ORC5: variants seen among roughly 807,000 people sequenced by gnomAD.
ORC5 encodes origin recognition complex subunit 5.
Under a neutral mutation model 58.8 loss-of-function variants are expected in ORC5, and 39 were observed. That is an observed-to-expected ratio of 0.66 (90% CI 0.51 to 0.87). The LOEUF is 0.87. Ranked by LOEUF, ORC5 falls within the 40% of genes least tolerant of loss-of-function variation. The pLI is 0.00. For missense variants in ORC5, 493 were observed against 506.3 expected (o/e 0.97, Z 0.25); for synonymous variants, 218 against 177.6 (o/e 1.23, Z -1.81).
At chr7:104,202,862 T>C (rs1799977714) in intron 2 of ORC5, among the ~76,000 whole-genome samples, 1 of 152,208 alleles carries the variant, frequency 6.6e-6, no homozygotes, top group Admixed American at 6.5e-5. Context: ...CACAAGTTAA[T>C]ACGTGCCAAG....
chr7:104,162,928 T>C (rs1277333390), intron 11 of ORC5, among the ~76,000 whole-genome samples: 2 of 152,208 alleles, frequency 1.3e-5, no homozygotes, highest in African/African-American at 4.8e-5. Flanking sequence ...TTGCATGGTT[T>C]AAAATTTTAT....
chr7:104,184,686 A>G (rs2115980235), intron 6 of ORC5, among the ~76,000 whole-genome samples: 1 of 152,302 alleles, frequency 6.6e-6, no homozygotes, highest in South Asian at 2.1e-4. Flanking sequence ...ACAGCCCTGA[A>G]AAGCTGTATT....
intron 12 of ORC5, among the ~76,000 whole-genome samples, chr7:104,149,555 A>T (rs1446311743): frequency 6.6e-6 from 1 of 152,174 alleles, no homozygotes; most frequent in Non-Finnish European, 1.5e-5. Flanking sequence ...TTTTGTTTTT[A>T]AAAAACTGTA....
intron 12 of ORC5, among the ~76,000 whole-genome samples, chr7:104,144,847 C>G (rs1176601679): frequency 6.6e-6 from 1 of 152,210 alleles, no homozygotes; most frequent in Admixed American, 6.5e-5. Flanking sequence ...GAACTCAGAT[C>G]TCCAGGCTAG....
At chr7:104,192,539 A>C (rs1240441088) in intron 5 of ORC5, among the ~76,000 whole-genome samples, 3 of 152,154 alleles carry the variant, frequency 2.0e-5, no homozygotes, top group Non-Finnish European at 4.4e-5. Context: ...GCTTAAAAAT[A>C]GCCTTAAAAG....
intron 8 of ORC5, among the ~76,000 whole-genome samples, chr7:104,174,623 T>C (rs1432310057): frequency 6.6e-6 from 1 of 152,162 alleles, no homozygotes; most frequent in African/African-American, 2.4e-5. Context: ...TGTCACACTG[T>C]ATCGCTAATA....
rs765326823 is a variant in ORC5 at position 104,136,199 on chromosome 7, T to C, written c.1262+582A>G. On this transcript the variant is annotated intron_variant, in intron 13 of 13. Coordinates refer to ENST00000297431, the MANE Select transcript of ORC5 (RefSeq NM_002553.4). This position sits in a 1 kb window ranked among gnomAD's most constrained non-coding sequence, Gnocchi z 4.2. ...GTTCACATGTCCTTCCTAAGGCTTT[T>C]CTCTCACACTCTGTCCTTCAGTCAG... Among the ~76,000 whole-genome samples, 2 of 152,152 alleles carry C rather than the reference T, an allele frequency of 1.3e-5. No individual in the cohort carries two copies. Among genetic ancestry groups the C allele is most frequent in the Non-Finnish European group, 1.5e-5 (1 of 68,028 alleles).
intron 8 of ORC5, among the ~76,000 whole-genome samples, chr7:104,170,673 T>C (rs1799195528): frequency 6.6e-6 from 1 of 152,234 alleles, no homozygotes; most frequent in South Asian, 2.1e-4. Context: ...TGATAATTTG[T>C]TACAGTACAA....
chr7:104,149,541 TTGTTTTTGTTTTTAAAAAAC>T (rs1210766124), intron 12 of ORC5, among the ~76,000 whole-genome samples: 1 of 152,188 alleles, frequency 6.6e-6, no homozygotes, highest in Non-Finnish European at 1.5e-5. Flanking sequence ...GAACAAAGTT[TTGTTTTTGTTTTTAAAAAAC>T]TGTATTAAAA....
chr7:104,176,531 A>C (rs964781743), intron 8 of ORC5, among the ~76,000 whole-genome samples: 1 of 152,002 alleles, frequency 6.6e-6, no homozygotes, highest in African/African-American at 2.4e-5. Flanking sequence ...CAGTCTTACG[A>C]TCTCTCTGCT....
chr7:104,205,918 G>C (rs938566000), intron 1 of ORC5, among the ~76,000 whole-genome samples: 1 of 152,136 alleles, frequency 6.6e-6, no homozygotes, highest in Admixed American at 6.5e-5. Flanking sequence ...TGAGGTGGGC[G>C]GACTGCTTGA....
chr7:104,197,904 T>A, intron 3 of ORC5, 105 bp from the exon 4 acceptor site: 1 of 638,872 alleles, frequency 1.6e-6, no homozygotes, highest in Non-Finnish European at 2.6e-6. Context: ...TGGAACTTAA[T>A]CCCCAGTGTG....
Position 104,188,472 on chromosome 7 carries a change from A to C in ORC5, c.554-91T>G, listed in dbSNP as rs1357004771. The C allele has an allele frequency of 3.2e-6, 3 of 936,484 alleles. No homozygotes were observed. In the African/African-American group the frequency reaches 4.9e-5, roughly 15 times the overall value. 58.0% of individuals were successfully genotyped at this position (936,484 alleles called of 1,614,324 possible). On this transcript the variant is annotated intron_variant, in intron 5 of 13. Coordinates refer to ENST00000297431, the MANE Select transcript of ORC5 (RefSeq NM_002553.4). Reference sequence around the variant, plus strand: ...TTTATAACAAAGGTATTAAAAAAAAAACACCCAGACCCAGCAACAATTAAG... The same window carrying C: ...TTTATAACAAAGGTATTAAAAAAAACACACCCAGACCCAGCAACAATTAAG...
rs993990362 is a variant in ORC5, at chr7:104,126,503, G to A, written c.*345C>T. 1.0e-5 allele frequency: 2 copies of A among 198,772 alleles called. No homozygotes were observed. The highest frequency in any genetic ancestry group is 1.2e-4 in the East Asian group (1 of 8,546). 12.3% of individuals were successfully genotyped at this position (198,772 alleles called of 1,614,324 possible). On this transcript the variant is annotated 3_prime_UTR_variant, in exon 14 of 14. Coordinates refer to ENST00000297431, the MANE Select transcript of ORC5 (RefSeq NM_002553.4). ...CAAGGGCTGCTGGCACGTTCAAAGC[G>A]CAGGGGATAGTTCACAGAGCAAAAT...
At chr7:104,162,877 A>C (rs1799046369) in intron 11 of ORC5, among the ~76,000 whole-genome samples, 1 of 152,328 alleles carries the variant, frequency 6.6e-6, no homozygotes, top group South Asian at 2.1e-4. Context: ...TGAAGGTTTT[A>C]TACTACCGCA....
chr7:104,198,470 A>G (rs1266276879), intron 3 of ORC5, among the ~76,000 whole-genome samples: 1 of 152,190 alleles, frequency 6.6e-6, no homozygotes, highest in South Asian at 2.1e-4. Context: ...CCTGCCCTAG[A>G]GATCTGTGGA....
At chr7:104,176,800 CA>C (rs1355921279) in intron 8 of ORC5, among the ~76,000 whole-genome samples, 3 of 152,170 alleles carry the variant, frequency 2.0e-5, no homozygotes, top group African/African-American at 7.2e-5. Flanking sequence ...GAAATGTCTT[CA>C]GAATTGTCGG....
intron 8 of ORC5, among the ~76,000 whole-genome samples, chr7:104,178,658 T>TACA (rs1490093582): frequency 6.6e-6 from 1 of 152,222 alleles, no homozygotes. Context: ...TGAATGGTGT[T>TACA]GCCTAGGTTT....
chr7:104,165,427 A>C lies in ORC5; in HGVS notation c.991-145T>G, dbSNP rs917867988. 3 of 557,628 alleles carry C rather than the reference A, an allele frequency of 5.4e-6. No homozygotes were observed. In the African/African-American group the frequency reaches 5.9e-5, roughly 11 times the overall value. 34.5% of individuals were successfully genotyped at this position (557,628 alleles called of 1,614,324 possible). On this transcript the variant is annotated intron_variant, in intron 10 of 13. Transcript: ENST00000297431. The stretch of plus-strand genomic sequence containing the variant: ...AGTTATTCTTCTTATCACCTTGTAT[A>C]TATATTAGACTTCAACATATTTTAG...
Sources: allele counts gnomAD v4.1 joint callset (sites outside exome capture counted in the v4.1 genomes callset), GRCh38; gene constraint gnomAD v4.1.1; non-coding constraint Gnocchi (gnomAD v3.1); transcripts MANE v1.5; gene names NCBI Gene and HGNC (gene_info 2026-07-23, HGNC 2026-07-21).